The following BNC2 variants were observed in gnomAD, a reference collection of about 807,000 sequenced individuals.
BNC2 encodes basonuclin zinc finger protein 2.
BNC2 carries 20 observed loss-of-function variants against 76.3 expected under a neutral mutation model. The observed-to-expected ratio is 0.26, with a 90% CI of 0.18 to 0.38. BNC2 has a LOEUF of 0.38. BNC2 is among the 10% of genes least tolerant of loss of function. The pLI, the probability that BNC2 is intolerant of heterozygous loss-of-function variation, is 1.00. For synonymous variants in BNC2, 582 were observed against 514.8 expected, an observed-to-expected ratio of 1.13 and a Z score of -1.77; for missense variants, 1,382 against 1,399.8, an observed-to-expected ratio of 0.99 and a Z score of 0.20.
intron 3 of BNC2, among the ~76,000 whole-genome samples, chr9:16,703,761 G>A (rs746940122): frequency 1.3e-5 from 2 of 152,110 alleles, no homozygotes; most frequent in Non-Finnish European, 2.9e-5. Context: ...TCCACTCATA[G>A]TTTACTTTTC....
chr9:16,701,845 G>T, intron 3 of BNC2, among the ~76,000 whole-genome samples: 1 of 114,416 alleles, frequency 8.7e-6, no homozygotes, highest in African/African-American at 2.6e-5. Flanking sequence ...AGCAGGCTGA[G>T]GCAGGAGAAT....
At chr9:16,465,183 C>T (rs528426104) in intron 5 of BNC2, among the ~76,000 whole-genome samples, 95 of 152,266 alleles carry the variant, frequency 6.2e-4, no homozygotes, top group African/African-American at 2.2e-3. Flanking sequence ...CGCCTGTAAT[C>T]CCAACACTTT....
At chr9:16,482,412 A>C (rs1372921928) in intron 5 of BNC2, among the ~76,000 whole-genome samples, 2 of 152,192 alleles carry the variant, frequency 1.3e-5, no homozygotes, top group African/African-American at 4.8e-5. Flanking sequence ...AACCTTTAAA[A>C]AAATGCTATA....
intron 5 of BNC2, among the ~76,000 whole-genome samples, chr9:16,526,897 A>G (rs1817821818): frequency 6.6e-6 from 1 of 152,238 alleles, no homozygotes; most frequent in Admixed American, 6.5e-5. Flanking sequence ...ATTGTAGAGC[A>G]TAATAAGAAA....
chr9:16,772,609 A>G (rs1417274671), intron 1 of BNC2, among the ~76,000 whole-genome samples: 1 of 152,102 alleles, frequency 6.6e-6, no homozygotes, highest in Non-Finnish European at 1.5e-5. Flanking sequence ...AAACTGTACT[A>G]ATTTTTTTTT....
rs1000635798 is a variant in BNC2 at position 16,757,959 on chromosome 9, T to C, written c.4-19474A>G. Among the ~76,000 whole-genome samples the C allele has an allele frequency of 3.9e-5, 6 of 152,326 alleles. No homozygotes were observed. In the Middle Eastern group the frequency reaches 0.01, roughly 259 times the overall value. On this transcript the variant is annotated intron_variant, in intron 1 of 6. Transcript: ENST00000380672. The stretch of plus-strand genomic sequence containing the variant: ...TATGTCTACCCTAAAAAATTACCAC[T>C]AATTTAGTGGCTTAAAACACACAGT...
At chr9:16,532,622 T>C (rs149849809) in intron 5 of BNC2, among the ~76,000 whole-genome samples, 10 of 152,264 alleles carry the variant, frequency 6.6e-5, no homozygotes, top group African/African-American at 2.4e-4. Flanking sequence ...AAATTAAATT[T>C]TAGAAACATG....
At position 16,655,338 on chromosome 9, in the gene BNC2, T is replaced by C. The variant is rs111744639; in HGVS notation, c.331-72253A>G. On this transcript the variant is annotated intron_variant, in intron 3 of 6. Transcript: ENST00000380672. ...GGGGACAGTGCTTATTGCTAAATCC[T>C]ACAAAGCATCAATGTATTAAGATTA... Among the ~76,000 whole-genome samples, 394 of 152,280 alleles carry C rather than the reference T, an allele frequency of 2.6e-3. 3 individuals are homozygous for C. The highest frequency in any genetic ancestry group is 8.8e-3 in the African/African-American group (367 of 41,562).
intron 1 of BNC2, among the ~76,000 whole-genome samples, chr9:16,794,470 A>C (rs1817593387): frequency 6.6e-6 from 1 of 152,220 alleles, no homozygotes; most frequent in South Asian, 2.1e-4. Context: ...CATCATTAAC[A>C]GGGTTGGCAT....
intron 5 of BNC2, among the ~76,000 whole-genome samples, chr9:16,477,592 C>T (rs1821953509): frequency 6.6e-6 from 1 of 152,134 alleles, no homozygotes; most frequent in Non-Finnish European, 1.5e-5. Context: ...AAGCTAAGAA[C>T]TTCATTTAGA....
At chr9:16,795,762 A>C (rs1261796925) in intron 1 of BNC2, among the ~76,000 whole-genome samples, 1 of 152,218 alleles carries the variant, frequency 6.6e-6, no homozygotes, top group Non-Finnish European at 1.5e-5. Flanking sequence ...CTTTTACAGT[A>C]AAGAGATGAT....
intron 1 of BNC2, among the ~76,000 whole-genome samples, chr9:16,826,684 ATGGAT>A (rs1382400071): frequency 2.0e-5 from 3 of 152,188 alleles, no homozygotes; most frequent in Non-Finnish European, 4.4e-5. Flanking sequence ...TGTTTTCACC[ATGGAT>A]TTTGATCATC....
chr9:16,495,953 G>C (rs1163343926), intron 5 of BNC2, among the ~76,000 whole-genome samples: 1 of 149,622 alleles, frequency 6.7e-6, no homozygotes, highest in Non-Finnish European at 1.5e-5. Context: ...TTGTTGCCCA[G>C]GCTGAAATGC....
In BNC2 at chr9:16,540,399, T is replaced by C. The variant is rs193051931; in HGVS notation, c.669+12131A>G. On this transcript the variant is annotated intron_variant, in intron 5 of 6. Coordinates refer to ENST00000380672, the MANE Select transcript of BNC2 (RefSeq NM_017637.6). The stretch of plus-strand genomic sequence containing the variant: ...CATTAATCCAAACTGACCTACTTAT[T>C]AACTCAAAATGCTAGTGTTTTCTCC... 1.6e-4 allele frequency among the ~76,000 whole-genome samples: 24 copies of C among 152,250 alleles called. 1 individual carries two copies. The East Asian group carries it at 4.3e-3, about 27-fold the overall frequency.
At chr9:16,793,348 C>G (rs1171765020) in intron 1 of BNC2, among the ~76,000 whole-genome samples, 3 of 152,124 alleles carry the variant, frequency 2.0e-5, no homozygotes, top group Non-Finnish European at 4.4e-5. Context: ...ACCATACAAA[C>G]CAAACACGAA....
chr9:16,594,843 TCC>T (rs2133219375), intron 3 of BNC2, among the ~76,000 whole-genome samples: 1 of 152,116 alleles, frequency 6.6e-6, no homozygotes, highest in African/African-American at 2.4e-5. Flanking sequence ...AGCCTGATAA[TCC>T]CCCTTGTTCC....
chr9:16,622,668 TTATA>T (rs1485328519), intron 3 of BNC2, among the ~76,000 whole-genome samples: 1 of 152,130 alleles, frequency 6.6e-6, no homozygotes, highest in Non-Finnish European at 1.5e-5. Flanking sequence ...ATTGCATCAG[TTATA>T]CCTAACTTTC....
At chr9:16,514,848 A>G (rs896928773) in intron 5 of BNC2, among the ~76,000 whole-genome samples, 37 of 152,222 alleles carry the variant, frequency 2.4e-4, no homozygotes, top group Admixed American at 2.2e-3. Flanking sequence ...TGTCAACAAA[A>G]CCATTTCTTT....
chr9:16,445,995 T>A (rs201645964), intron 5 of BNC2, among the ~76,000 whole-genome samples: 6 of 152,194 alleles, frequency 3.9e-5, no homozygotes, highest in Admixed American at 6.5e-5. Context: ...GAAAACTTTG[T>A]ATTAAAGAAG....
Sources: allele counts gnomAD v4.1 joint callset (sites outside exome capture counted in the v4.1 genomes callset), GRCh38; gene constraint gnomAD v4.1.1; transcripts MANE v1.5; gene names NCBI Gene and HGNC (gene_info 2026-07-23, HGNC 2026-07-21).